Variants in CACNA1A observed in about 807,000 individuals in gnomAD.
CACNA1A encodes calcium voltage-gated channel subunit alpha1 A, also known as voltage-dependent P/Q-type calcium channel subunit alpha-1A.
In CACNA1A, 57 loss-of-function variants were observed where a neutral mutation model predicts 262.4. The ratio of observed to expected loss-of-function variants is 0.22; its 90% CI spans 0.18 to 0.27. The LOEUF (loss-of-function observed/expected upper bound fraction) is 0.27, where lower values mean the gene tolerates loss of function less well. Among genes scored for constraint, CACNA1A ranks in the 10% least tolerant of loss-of-function variants. CACNA1A has a pLI of 1.00. For synonymous variants in CACNA1A, 1,431 were observed against 1,419.3 expected (o/e 1.01, Z -0.18); for missense variants, 2,526 against 3,562.8 (o/e 0.71, Z 7.41).
intron 19 of CACNA1A, among the ~76,000 whole-genome samples, chr19:13,289,638 C>T (rs2057488790): frequency 6.6e-6 from 1 of 152,074 alleles, no homozygotes; most frequent in Non-Finnish European, 1.5e-5. Flanking sequence ...GTTCCTGACC[C>T]ATAACATGCG....
Position 13,236,830 on chromosome 19 carries a change from G to A in CACNA1A, c.4951-1100C>T, listed in dbSNP as rs1249843336. On this transcript the variant is annotated intron_variant, in intron 31 of 46. Transcript: ENST00000360228. The surrounding 1 kb of genome is among the most constrained non-coding windows in gnomAD (Gnocchi z 4.6). ...AAGCTAGAAGAACCAGGGGGCCAGAGAGTTGGAGAGTCAGGGAGGAGACCA... is the reference window on the plus strand; with the variant it reads ...AAGCTAGAAGAACCAGGGGGCCAGAAAGTTGGAGAGTCAGGGAGGAGACCA... Among the ~76,000 whole-genome samples, 3 of 152,080 alleles carry A rather than the reference G, an allele frequency of 2.0e-5. No homozygotes were observed. The highest frequency in any genetic ancestry group is 1.3e-4 in the Admixed American group (2 of 15,260).
At chr19:13,422,740 A>T (rs551432845) in intron 3 of CACNA1A, among the ~76,000 whole-genome samples, 1 of 152,302 alleles carries the variant, frequency 6.6e-6, no homozygotes, top group South Asian at 2.1e-4. Flanking sequence ...CTCCATGTCA[A>T]TGTAACTGAG....
intron 22 of CACNA1A, 161 bp from the exon 23 acceptor site, chr19:13,277,289 TC>T: frequency 1.8e-6 from 1 of 565,066 alleles, no homozygotes. Context: ...CAAGGGCCCC[TC>T]CCATCTCTTT....
intron 27 of CACNA1A, chr19:13,259,303 G>A (rs965097879): frequency 1.6e-5 from 3 of 188,492 alleles, no homozygotes; most frequent in African/African-American, 2.8e-5. Context: ...GAGCCACCAT[G>A]CCTGGCAGCT....
At chr19:13,466,372 C>A (rs923320764) in intron 1 of CACNA1A, among the ~76,000 whole-genome samples, 1 of 150,862 alleles carries the variant, frequency 6.6e-6, no homozygotes, top group African/African-American at 2.4e-5. Context: ...TGGGTCAGCA[C>A]CCAGGCTGGA....
chr19:13,215,636 T>C (rs941352973), intron 38 of CACNA1A, among the ~76,000 whole-genome samples: 1 of 151,032 alleles, frequency 6.6e-6, no homozygotes, highest in African/African-American at 2.4e-5. Flanking sequence ...TTTTTTTTTT[T>C]TGACAGAGTC....
intron 3 of CACNA1A, among the ~76,000 whole-genome samples, chr19:13,384,333 G>A (rs1297173325): frequency 6.6e-6 from 1 of 152,198 alleles, no homozygotes; most frequent in African/African-American, 2.4e-5. Flanking sequence ...AGGGTCCCCA[G>A]TGGAGAGGGA....
chr19:13,251,636 T>C (rs1300675747), intron 30 of CACNA1A, among the ~76,000 whole-genome samples: 2 of 152,214 alleles, frequency 1.3e-5, no homozygotes, highest in South Asian at 2.1e-4. Context: ...CTGATGTTTA[T>C]AAGTGACACA....
At chr19:13,234,532 T>A (rs2055799585) in intron 34 of CACNA1A, among the ~76,000 whole-genome samples, 1 of 151,904 alleles carries the variant, frequency 6.6e-6, no homozygotes, top group African/African-American at 2.4e-5. Context: ...GTCAGGAAGA[T>A]TCAGAGATAA....
chr19:13,254,655 C>T (rs1201559673), intron 29 of CACNA1A, among the ~76,000 whole-genome samples: 2 of 152,196 alleles, frequency 1.3e-5, no homozygotes, highest in African/African-American at 4.8e-5. Context: ...AGCCACCGCG[C>T]CCAGCCCCCT....
In CACNA1A at chr19:13,208,963, C is replaced by G. The variant is rs554430594; in HGVS notation, c.6573G>C (p.Pro2191=). Residue 2191 remains proline, a synonymous_variant, in exon 46 of 47, where the codon CCG becomes CCC. Transcript: ENST00000360228. ...CCCGCTCCTGGTCCCGCTCCTTCGA[C>G]GGCAGGTCCCCGGATTGGGTGGTCA... ...LSMTTQSGDL[P]SKERDQERGR... The G allele has an allele frequency of 6.5e-7, 1 of 1,537,486 alleles. No homozygotes were observed.
chr19:13,257,739 T>C, intron 27 of CACNA1A, 188 bp from the exon 28 acceptor site: 8 of 450,610 alleles, frequency 1.8e-5, no homozygotes, highest in Non-Finnish European at 3.1e-5. Flanking sequence ...TTTCTTAATT[T>C]TAATTTTAAT....
chr19:13,461,021 C>A (rs13346877), intron 1 of CACNA1A, among the ~76,000 whole-genome samples: 84 of 152,174 alleles, frequency 5.5e-4, no homozygotes, highest in African/African-American at 1.9e-3. Context: ...GGAGAGCATT[C>A]TCTATATAGT....
intron 31 of CACNA1A, chr19:13,244,909 CATT>C (rs1555740702): frequency 2.0e-6 from 1 of 501,510 alleles, no homozygotes. Flanking sequence ...TACTCATCTG[CATT>C]ATTAATTCCT....
rs541165884 is a variant in CACNA1A at position 13,409,186 on chromosome 19, G to A, written c.540-37407C>T. Among the ~76,000 whole-genome samples, 48 of 152,306 alleles carry A rather than the reference G, an allele frequency of 3.2e-4. 1 individual carries two copies. The South Asian group carries it at 9.7e-3, about 31-fold the overall frequency. ...TGGAACTTTGCTTTCCCGAATGATGGAGTATTGGCCGTGGGGTACGGATGA... is the reference window on the plus strand; with the variant it reads ...TGGAACTTTGCTTTCCCGAATGATGAAGTATTGGCCGTGGGGTACGGATGA... On this transcript the variant is annotated intron_variant, in intron 3 of 46. Coordinates refer to ENST00000360228, the MANE Select transcript of CACNA1A (RefSeq NM_001127222.2).
intron 6 of CACNA1A, among the ~76,000 whole-genome samples, chr19:13,358,575 A>G (rs2059047873): frequency 6.6e-6 from 1 of 152,224 alleles, no homozygotes; most frequent in African/African-American, 2.4e-5. Flanking sequence ...AGATTCGATT[A>G]TGCTTATAAT....
intron 43 of CACNA1A, chr19:13,211,795 C>T: frequency 2.8e-6 from 1 of 352,786 alleles, no homozygotes; most frequent in South Asian, 3.7e-5. Flanking sequence ...ACCCACAAAT[C>T]TTCCACAACC....
At chr19:13,230,796 G>A (rs1455394525) in intron 35 of CACNA1A, among the ~76,000 whole-genome samples, 1 of 149,510 alleles carries the variant, frequency 6.7e-6, no homozygotes, top group East Asian at 2.0e-4. Context: ...AACAGAGTGA[G>A]ACTCCATTTC....
chr19:13,239,745 G>A (rs1297419319), intron 31 of CACNA1A, among the ~76,000 whole-genome samples: 1 of 152,064 alleles, frequency 6.6e-6, no homozygotes. Flanking sequence ...AGTATGTACT[G>A]GAGTGGGGGT....
Sources: gnomAD v4.1 joint callset for allele counts (sites outside exome capture counted in the v4.1 genomes callset) on GRCh38, gnomAD v4.1.1 for gene constraint, Gnocchi (gnomAD v3.1) non-coding constraint, MANE v1.5 for transcripts, NCBI Gene and HGNC (gene_info 2026-07-23, HGNC 2026-07-21) for gene names.